MROH7: variants seen among roughly 807,000 people sequenced by gnomAD.
MROH7 encodes maestro heat-like repeat-containing protein family member 7.
Under a neutral mutation model 129.2 loss-of-function variants are expected in MROH7, and 113 were observed. That is an observed-to-expected ratio of 0.87 (90% CI 0.75 to 1.02). The LOEUF (loss-of-function observed/expected upper bound fraction) is 1.02. Among genes scored for constraint, MROH7 ranks in the 50% least tolerant of loss-of-function variants. MROH7 has a pLI of 0.00. For missense variants in MROH7, 1,601 were observed against 1,671.3 expected, an observed-to-expected ratio of 0.96 and a Z score of 0.73; for synonymous variants, 655 against 667.9, an observed-to-expected ratio of 0.98 and a Z score of 0.30.
chr1:54,654,143 A>C lies in MROH7; in HGVS notation c.1217A>C (p.Gln406Pro), dbSNP rs1644604936. Reference protein sequence around the residue: ...NPAGKDAVTLQGIPEGAFDEV... With the variant: ...NPAGKDAVTLPGIPEGAFDEV... ...GCAGGCAAGGACGCCGTGACCTTGCAAGGCATCCCTGAGGGTAAGGCCAGG... is the reference window on the plus strand; with the variant it reads ...GCAGGCAAGGACGCCGTGACCTTGCCAGGCATCCCTGAGGGTAAGGCCAGG... The change falls in exon 3 of 24, where the codon CAA becomes CCA. Residue 406 changes from glutamine (Q) to proline (P), a missense_variant. Coordinates refer to ENST00000421030, the MANE Select transcript of MROH7 (RefSeq NM_001039464.4). The C allele has an allele frequency of 6.2e-7, 1 of 1,609,882 alleles. No homozygotes were observed. Among genetic ancestry groups the C allele is most frequent in the South Asian group, 1.1e-5 (1 of 90,248 alleles).
intron 3 of MROH7, among the ~76,000 whole-genome samples, chr1:54,655,172 G>A (rs946962788): frequency 6.0e-5 from 9 of 150,798 alleles, no homozygotes; most frequent in Middle Eastern, 3.5e-3. Flanking sequence ...CCACCACCAC[G>A]CCCAGCTAAT....
chr1:54,650,692 G>T, intron 1 of MROH7, among the ~76,000 whole-genome samples: 1 of 147,830 alleles, frequency 6.8e-6, no homozygotes, highest in Non-Finnish European at 1.5e-5. Flanking sequence ...CCAATGTTTA[G>T]TATTTCTCCC....
intron 14 of MROH7, among the ~76,000 whole-genome samples, chr1:54,683,078 C>A (rs1645095933): frequency 6.6e-6 from 1 of 152,052 alleles, no homozygotes; most frequent in Non-Finnish European, 1.5e-5. Context: ...TGGCACATGC[C>A]TGTAATCCCA....
chr1:54,699,099 T>TTTCC (rs1645372656), intron 17 of MROH7: 1 of 33,622 alleles, frequency 3.0e-5, no homozygotes, highest in Admixed American at 2.8e-4. Context: ...TGGCCTTTTC[T>TTTCC]TTCTTTCTTT....
At chr1:54,686,531 G>A (rs1428890234) in intron 15 of MROH7, 83 bp downstream of exon 15, 6 of 1,261,944 alleles carry the variant, frequency 4.8e-6, no homozygotes, top group South Asian at 1.4e-5. Context: ...AGTCTCAGGG[G>A]CAATCAATCA....
intron 22 of MROH7, among the ~76,000 whole-genome samples, chr1:54,707,181 C>T (rs1301142731): frequency 6.6e-6 from 1 of 152,160 alleles, no homozygotes; most frequent in East Asian, 1.9e-4. Flanking sequence ...TTCCCCTTGA[C>T]CAGAGCCCCC....
At chr1:54,692,706 T>C in intron 16 of MROH7, 145 bp downstream of exon 16, 1 of 806,836 alleles carries the variant, frequency 1.2e-6, no homozygotes, top group South Asian at 1.9e-5. Context: ...GGGAGGGTGC[T>C]GTCTTCCTTG....
Position 54,653,432 on chromosome 1 carries a change from AC to A in MROH7, c.509del (p.Pro170LeufsTer6). The A allele has an allele frequency of 6.2e-7, 1 of 1,613,900 alleles. No individual in the cohort carries two copies. Among genetic ancestry groups the A allele is most frequent in the Non-Finnish European group, 8.5e-7 (1 of 1,179,962 alleles). On this transcript the variant is annotated frameshift_variant, in exon 3 of 24. Transcript: ENST00000421030. LOFTEE classifies it high-confidence loss of function. ...KIFKLGQRNSNPSRHELNPFI... is the reference protein window; with the variant it reads ...KIFKLGQRNSXPSRHELNPFI... ...TTCAAGTTGGGTCAGAGAAACTCCAACCCTTCTAGGCATGAATTAAACCCAT... is the reference window on the plus strand; with the variant it reads ...TTCAAGTTGGGTCAGAGAAACTCCAACCTTCTAGGCATGAATTAAACCCAT...
At chr1:54,662,044 C>A (rs759682407) in intron 3 of MROH7, among the ~76,000 whole-genome samples, 20 of 151,782 alleles carry the variant, frequency 1.3e-4, no homozygotes, top group Non-Finnish European at 1.8e-4. Flanking sequence ...CATGGTGAGA[C>A]TCCCATCTCT....
At position 54,668,948 on chromosome 1, in the gene MROH7, C is replaced by T. The variant is rs750940487; in HGVS notation, c.1389+11C>T. The T allele has an allele frequency of 3.2e-6, 5 of 1,547,504 alleles. No individual in the cohort carries two copies. In the East Asian group the frequency reaches 1.1e-4, roughly 35 times the overall value. ...ATAAAGAAGATTATGGTGGGGGAGCCACAGGCGGGTCTGTGGCATTGGGGT... is the reference window on the plus strand; with the variant it reads ...ATAAAGAAGATTATGGTGGGGGAGCTACAGGCGGGTCTGTGGCATTGGGGT... On this transcript the variant is annotated intron_variant, in intron 5 of 23. Transcript: ENST00000421030.
intron 1 of MROH7, among the ~76,000 whole-genome samples, chr1:54,650,085 A>G (rs985508849): frequency 4.6e-5 from 7 of 152,216 alleles, no homozygotes; most frequent in Admixed American, 1.3e-4. Flanking sequence ...TTCTGCCCAC[A>G]GTGCCTGGCA....
intron 7 of MROH7, among the ~76,000 whole-genome samples, chr1:54,672,681 C>T (rs150158273): frequency 3.3e-5 from 5 of 152,288 alleles, no homozygotes; most frequent in Admixed American, 6.5e-5. Flanking sequence ...CTCATCCATC[C>T]TCTCATTTGC....
intron 16 of MROH7, among the ~76,000 whole-genome samples, chr1:54,693,137 G>T (rs1443956847): frequency 6.6e-6 from 1 of 152,220 alleles, no homozygotes; most frequent in Non-Finnish European, 1.5e-5. Context: ...TTCAAGAACA[G>T]CTTGAACCTG....
At chr1:54,679,155 C>A in intron 11 of MROH7, 108 bp from the exon 12 acceptor site, 3 of 1,118,120 alleles carry the variant, frequency 2.7e-6, no homozygotes, top group South Asian at 1.3e-5. Context: ...TCCCTGCTGA[C>A]CTCTGCATGT....
At chr1:54,675,817 A>G (rs1241607373) in intron 10 of MROH7, among the ~76,000 whole-genome samples, 2 of 151,570 alleles carry the variant, frequency 1.3e-5, no homozygotes, top group East Asian at 3.9e-4. Flanking sequence ...TACCAAAAAT[A>G]CAAAAAAAAT....
Position 54,670,567 on chromosome 1 carries a change from C to T in MROH7, c.1460C>T (p.Thr487Ile). ...CGCAAGCAGGCCATGGAGATCCTGACCCAGCTGAGGTGTCCATGGCCCTCT... is the reference window on the plus strand; with the variant it reads ...CGCAAGCAGGCCATGGAGATCCTGATCCAGCTGAGGTGTCCATGGCCCTCT... ...SVRKQAMEIL[T>I]QLSHTQPTLG... The change falls in exon 6 of 24, where the codon ACC becomes ATC. Residue 487 changes from threonine (T) to isoleucine (I), a missense_variant. Thr to Ile is a moderately conservative substitution (Grantham distance 89). Coordinates refer to ENST00000421030, the MANE Select transcript of MROH7 (RefSeq NM_001039464.4). 1 of 1,613,014 alleles carries T rather than the reference C, an allele frequency of 6.2e-7. No individual in the cohort carries two copies. The highest frequency in any genetic ancestry group is 1.1e-5 in the South Asian group (1 of 90,726).
chr1:54,701,269 G>A lies in MROH7; in HGVS notation c.3232G>A (p.Asp1078Asn). 2.5e-6 allele frequency: 4 copies of A among 1,613,470 alleles called. No individual in the cohort carries two copies. Among genetic ancestry groups the A allele is most frequent in the Middle Eastern group, 3.3e-4 (2 of 6,058 alleles). The part of the protein sequence containing the change: ...VFKGRDQKLM[D>N]SAVYVEMLQI... ...CAAGGGGCGGGACCAGAAGCTGATG[G>A]ACAGTGCGGTCTATGTGGAGATGCT... Residue 1078 changes from aspartate (D) to asparagine (N), a missense_variant, in exon 19 of 24, where the codon GAC becomes AAC. Coordinates refer to ENST00000421030, the MANE Select transcript of MROH7 (RefSeq NM_001039464.4).
At position 54,680,062 on chromosome 1, in the gene MROH7, T is replaced by A. The variant is rs768852007; in HGVS notation, c.2381+17T>A. 4 of 1,609,842 alleles carry A rather than the reference T, an allele frequency of 2.5e-6. No individual in the cohort carries two copies. The East Asian group carries it at 8.9e-5, about 36-fold the overall frequency. ...ACTGAACAGGTACCAAGTGAAGGGG[T>A]TCCCAGCCACTGCATCTTACAGGGT... On this transcript the variant is annotated intron_variant, in intron 13 of 23. Transcript: ENST00000421030.
At position 54,699,093 on chromosome 1, in the gene MROH7, CTT is replaced by C. The variant is rs1553176852; in HGVS notation, c.2965-1225_2965-1224del. The C allele has an allele frequency of 3.4e-3, 369 of 107,998 alleles. 19 individuals carry two copies. The highest frequency in any genetic ancestry group is 5.7e-3 in the African/African-American group (170 of 30,086). 6.7% of individuals were successfully genotyped at this position (107,998 alleles called of 1,614,324 possible). ...ATAGGTGTGAGCCACCTTGCCTGGC[CTT>C]TTCTTTCTTTCTTTCTTTCTTTCTT... On this transcript the variant is annotated intron_variant, in intron 17 of 23. Transcript: ENST00000421030.
Sources: allele counts gnomAD v4.1 joint callset (sites outside exome capture counted in the v4.1 genomes callset), GRCh38; gene constraint gnomAD v4.1.1; transcripts MANE v1.5; gene names NCBI Gene and HGNC (gene_info 2026-07-23, HGNC 2026-07-21).